DUSP22: variants seen among roughly 807,000 people sequenced by gnomAD.
DUSP22 encodes dual specificity phosphatase 22.
DUSP22 carries 24 observed loss-of-function variants against 24.5 expected under a neutral mutation model. The observed-to-expected ratio is 0.98, with a 90% CI of 0.71 to 1.38. DUSP22 has a LOEUF of 1.38. Ranked by LOEUF, DUSP22 falls within the 40% of genes most tolerant of loss-of-function variation. The pLI, the probability that DUSP22 is intolerant of heterozygous loss-of-function variation, is 0.00. For missense variants in DUSP22, 330 were observed against 269.2 expected, an observed-to-expected ratio of 1.23 and a Z score of -1.58; for synonymous variants, 160 against 106.4, an observed-to-expected ratio of 1.50 and a Z score of -3.10.
chr6:323,400 C>G (rs143287079), intron 3 of DUSP22, among the ~76,000 whole-genome samples: 1 of 152,426 alleles, frequency 6.6e-6, no homozygotes, highest in African/African-American at 2.4e-5. Flanking sequence ...CTCTGGCCTT[C>G]TTTTCCCATG....
chr6:312,723 T>A (rs575864789), intron 3 of DUSP22, among the ~76,000 whole-genome samples: 81 of 152,396 alleles, frequency 5.3e-4, no homozygotes, highest in African/African-American at 1.8e-3. Context: ...TCAGGCTGTT[T>A]TCATTTAAAT....
intron 3 of DUSP22, chr6:320,365 G>A (rs1347841902): frequency 6.5e-6 from 1 of 152,896 alleles, no homozygotes; most frequent in Non-Finnish European, 1.5e-5. Flanking sequence ...CCTGGCACAG[G>A]TGTGTGGAGG....
intron 3 of DUSP22, among the ~76,000 whole-genome samples, chr6:318,269 C>G (rs1253534876): frequency 6.6e-6 from 1 of 152,310 alleles, no homozygotes; most frequent in Non-Finnish European, 1.5e-5. Context: ...CAGTGACAGT[C>G]AATTAAAGGA....
At chr6:298,368 A>G (rs1330831546) in intron 1 of DUSP22, among the ~76,000 whole-genome samples, 6 of 152,294 alleles carry the variant, frequency 3.9e-5, no homozygotes, top group Non-Finnish European at 7.3e-5. Context: ...TGACATAGAA[A>G]GAATTAAGAT....
chr6:329,258 G>A (rs1228964285), intron 3 of DUSP22, among the ~76,000 whole-genome samples: 1 of 152,310 alleles, frequency 6.6e-6, no homozygotes, highest in Non-Finnish European at 1.5e-5. Context: ...TGAAAGTGCA[G>A]CAGTCAGATT....
intron 4 of DUSP22, among the ~76,000 whole-genome samples, chr6:339,793 A>G (rs1394580065): frequency 6.6e-6 from 1 of 152,302 alleles, no homozygotes; most frequent in African/African-American, 2.4e-5. Context: ...ATTTTCTTTA[A>G]CTGACACCTT....
rs1760059184 is a variant in DUSP22, at chr6:349,289, G to C, written c.*338G>C. Reference sequence around the variant, plus strand: ...TGTGAGTGAGGGTATGTGCACCTAAGTGTGTACATGTGTGTATGTTGTGAA... The same window carrying C: ...TGTGAGTGAGGGTATGTGCACCTAACTGTGTACATGTGTGTATGTTGTGAA... On this transcript the variant is annotated 3_prime_UTR_variant, in exon 7 of 7. Transcript: ENST00000419235. The C allele has an allele frequency of 5.7e-6, 7 of 1,234,766 alleles. No homozygotes were observed. The African/African-American group carries it at 7.6e-5, about 13-fold the overall frequency. The allele number at this position is 1,234,766 out of a possible 1,614,324, so 76.5% of individuals were successfully genotyped here.
chr6:350,045 A>G lies in DUSP22; in HGVS notation c.*1094A>G. The G allele has an allele frequency of 1.0e-6, 1 of 985,654 alleles. No individual in the cohort carries two copies. Among genetic ancestry groups the G allele is most frequent in the East Asian group, 1.1e-4 (1 of 8,824 alleles). 61.1% of individuals were successfully genotyped at this position (985,654 alleles called of 1,614,324 possible). A position where few individuals can be genotyped will look rare whatever the true frequency, so the allele number is the denominator to read the frequency against. ...TGCATTTTAAAATGCCTGAGCATTT[A>G]TTAAGCTTCTTGGTATTCACTTGGG... On this transcript the variant is annotated 3_prime_UTR_variant, in exon 7 of 7. Transcript: ENST00000419235.
At chr6:347,489 C>T (rs1759938209) in intron 5 of DUSP22, among the ~76,000 whole-genome samples, 1 of 152,304 alleles carries the variant, frequency 6.6e-6, no homozygotes, top group African/African-American at 2.4e-5. Context: ...TCTCACTCAG[C>T]CTGCTCCAGG....
intron 3 of DUSP22, among the ~76,000 whole-genome samples, chr6:332,042 T>G (rs1406734204): frequency 6.6e-6 from 1 of 152,302 alleles, no homozygotes; most frequent in African/African-American, 2.4e-5. Flanking sequence ...CTTTACAGTA[T>G]TTTTCTTTCC....
chr6:338,436 A>G (rs965609501), intron 4 of DUSP22, among the ~76,000 whole-genome samples: 3 of 152,268 alleles, frequency 2.0e-5, no homozygotes, highest in South Asian at 4.1e-4. Context: ...CAGAACACCT[A>G]CCTCTCTCGG....
At chr6:322,000 T>C (rs554610830) in intron 3 of DUSP22, among the ~76,000 whole-genome samples, 181 of 152,338 alleles carry the variant, frequency 1.2e-3, no homozygotes, top group African/African-American at 4.1e-3. Context: ...GGTCCAGGGC[T>C]CAGGAGAGAG....
chr6:308,092 AGGGTG>A, intron 2 of DUSP22, among the ~76,000 whole-genome samples: 1 of 150,802 alleles, frequency 6.6e-6, no homozygotes, highest in Non-Finnish European at 1.5e-5. Flanking sequence ...GCTCAGTGTT[AGGGTG>A]CACATGACCT....
intron 3 of DUSP22, among the ~76,000 whole-genome samples, chr6:314,612 CTT>C (rs576779265): frequency 1.1e-3 from 171 of 152,370 alleles, no homozygotes; most frequent in African/African-American, 4.0e-3. Context: ...GTTTAGAAAA[CTT>C]AGCACACTTT....
intron 3 of DUSP22, among the ~76,000 whole-genome samples, chr6:322,246 G>T (rs1310086146): frequency 6.6e-6 from 1 of 152,306 alleles, no homozygotes; most frequent in Non-Finnish European, 1.5e-5. Flanking sequence ...TGATGGTGGG[G>T]CCATCCTCCA....
At chr6:308,719 G>A (rs1383543466) in intron 2 of DUSP22, among the ~76,000 whole-genome samples, 4 of 152,306 alleles carry the variant, frequency 2.6e-5, no homozygotes, top group African/African-American at 9.6e-5. Context: ...TGGCTATTGT[G>A]CAGCCTTGTG....
chr6:314,115 T>A (rs1251591500), intron 3 of DUSP22, among the ~76,000 whole-genome samples: 4 of 152,288 alleles, frequency 2.6e-5, no homozygotes, highest in African/African-American at 9.6e-5. Flanking sequence ...GGGAGAGAAA[T>A]GGGGCAGGGA....
At chr6:348,655 G>A (rs1760004897) in intron 6 of DUSP22, 114 bp from the exon 7 acceptor site, 8 of 1,522,154 alleles carry the variant, frequency 5.3e-6, no homozygotes, top group Non-Finnish European at 4.5e-6. Flanking sequence ...ACTGCTGTTT[G>A]TTTCCCTGGT....
chr6:322,964 C>T (rs916662803), intron 3 of DUSP22, among the ~76,000 whole-genome samples: 10 of 152,406 alleles, frequency 6.6e-5, no homozygotes, highest in Middle Eastern at 3.4e-3. Flanking sequence ...TAAGAAAATG[C>T]GCCCTAGTTT....
Sources: allele counts gnomAD v4.1 joint callset (sites outside exome capture counted in the v4.1 genomes callset), GRCh38; gene constraint gnomAD v4.1.1; transcripts MANE v1.5; gene names NCBI Gene and HGNC (gene_info 2026-07-23, HGNC 2026-07-21).